Variants in CAMTA1 observed in about 807,000 individuals in gnomAD.
CAMTA1 encodes the protein calmodulin binding transcription activator 1.
In CAMTA1, 27 loss-of-function variants were observed where a neutral mutation model predicts 170.9. The ratio of observed to expected loss-of-function variants is 0.16; its 90% CI spans 0.12 to 0.22. The LOEUF is 0.22. Among genes scored for constraint, CAMTA1 ranks in the 10% least tolerant of loss-of-function variants. The pLI is 1.00. For missense variants in CAMTA1, 1,619 were observed against 2,217.2 expected (o/e 0.73, Z 5.42); for synonymous variants, 833 against 891.5 (o/e 0.93, Z 1.17).
intron 4 of CAMTA1, among the ~76,000 whole-genome samples, chr1:7,131,665 T>C (rs891285668): frequency 6.6e-6 from 1 of 152,282 alleles, no homozygotes; most frequent in East Asian, 1.9e-4. Flanking sequence ...TCCTAAACTT[T>C]CTATCCTGTT....
At chr1:7,265,171 T>G (rs1302218873) in intron 5 of CAMTA1, among the ~76,000 whole-genome samples, 31 of 152,208 alleles carry the variant, frequency 2.0e-4, no homozygotes, top group Admixed American at 1.9e-3. Flanking sequence ...TCCTGCGCTG[T>G]CCCAGCCAGC....
intron 5 of CAMTA1, among the ~76,000 whole-genome samples, chr1:7,460,719 C>T (rs761590904): frequency 6.6e-6 from 1 of 152,082 alleles, no homozygotes; most frequent in Non-Finnish European, 1.5e-5. Flanking sequence ...GAGCTCTTTT[C>T]TTCCATCAGC....
chr1:6,792,261 A>C (rs1304282638), intron 1 of CAMTA1, among the ~76,000 whole-genome samples: 1 of 151,854 alleles, frequency 6.6e-6, no homozygotes, highest in Non-Finnish European at 1.5e-5. Flanking sequence ...CCTGGCCGGA[A>C]GTGTTTCCTT....
intron 3 of CAMTA1, among the ~76,000 whole-genome samples, chr1:7,040,723 CTTT>C (rs1277626911): frequency 2.8e-5 from 4 of 141,652 alleles, no homozygotes; most frequent in Admixed American, 7.1e-5. Context: ...GGATCTCCCT[CTTT>C]TTTTTTTTTT....
intron 6 of CAMTA1, among the ~76,000 whole-genome samples, chr1:7,554,314 G>A (rs2094847350): frequency 6.6e-6 from 1 of 152,130 alleles, no homozygotes; most frequent in Non-Finnish European, 1.5e-5. Flanking sequence ...CTGGTTGCTT[G>A]GCAGATATCT....
intron 3 of CAMTA1, among the ~76,000 whole-genome samples, chr1:6,880,968 G>A (rs541536960): frequency 2.9e-4 from 44 of 152,012 alleles, no homozygotes; most frequent in Non-Finnish European, 5.1e-4. Context: ...CAGTAATTGC[G>A]TGCTTATATA....
At chr1:7,623,783 T>C (rs1335677484) in intron 6 of CAMTA1, among the ~76,000 whole-genome samples, 1 of 152,194 alleles carries the variant, frequency 6.6e-6, no homozygotes, top group Non-Finnish European at 1.5e-5. Flanking sequence ...CAGAAGCTCT[T>C]TTTCAACATT....
At chr1:7,161,838 C>T (rs1383811587) in intron 4 of CAMTA1, among the ~76,000 whole-genome samples, 8 of 152,178 alleles carry the variant, frequency 5.3e-5, no homozygotes, top group African/African-American at 1.9e-4. Flanking sequence ...TCAGAGCTGA[C>T]AGCCACTGGG....
At chr1:6,853,825 A>G (rs971254590) in intron 3 of CAMTA1, among the ~76,000 whole-genome samples, 5 of 152,222 alleles carry the variant, frequency 3.3e-5, no homozygotes, top group Non-Finnish European at 5.9e-5. Context: ...GACATACATA[A>G]TGGTAAAATA....
chr1:7,355,347 T>C (rs2085023922), intron 5 of CAMTA1, among the ~76,000 whole-genome samples: 1 of 152,136 alleles, frequency 6.6e-6, no homozygotes, highest in South Asian at 2.1e-4. Flanking sequence ...ATGGTGCCAC[T>C]GCACTCCAGC....
chr1:7,124,825 C>A (rs1320474779), intron 4 of CAMTA1, among the ~76,000 whole-genome samples: 2 of 152,154 alleles, frequency 1.3e-5, no homozygotes, highest in Non-Finnish European at 2.9e-5. Context: ...AAGTTTTCTG[C>A]AATTTAGTGG....
intron 3 of CAMTA1, among the ~76,000 whole-genome samples, chr1:6,920,007 T>C (rs531128964): frequency 3.9e-5 from 6 of 152,200 alleles, no homozygotes; most frequent in Non-Finnish European, 8.8e-5. Context: ...TCTCATATCT[T>C]TACATTTCAA....
intron 5 of CAMTA1, among the ~76,000 whole-genome samples, chr1:7,343,291 A>G (rs1365225962): frequency 6.6e-6 from 1 of 152,196 alleles, no homozygotes; most frequent in East Asian, 1.9e-4. Flanking sequence ...CCTGTGCCTC[A>G]GCTCTCCTGG....
intron 5 of CAMTA1, among the ~76,000 whole-genome samples, chr1:7,433,656 A>G (rs771441981): frequency 7.2e-5 from 11 of 152,368 alleles, no homozygotes; most frequent in Non-Finnish European, 4.4e-5. Context: ...AGAAGGCCAC[A>G]TACTGCACGG....
intron 7 of CAMTA1, among the ~76,000 whole-genome samples, chr1:7,656,277 C>T (rs928062846): frequency 1.3e-5 from 2 of 152,146 alleles, no homozygotes; most frequent in African/African-American, 4.8e-5. Flanking sequence ...GCTGGAAGTC[C>T]AAGATTAAGG....
chr1:6,967,287 C>T (rs913186525), intron 3 of CAMTA1, among the ~76,000 whole-genome samples: 9 of 151,842 alleles, frequency 5.9e-5, no homozygotes, highest in Admixed American at 2.0e-4. Context: ...TTGGAACCCA[C>T]CTGAATTTTT....
chr1:6,952,976 C>T (rs1688770570), intron 3 of CAMTA1, among the ~76,000 whole-genome samples: 1 of 152,136 alleles, frequency 6.6e-6, no homozygotes, highest in African/African-American at 2.4e-5. Flanking sequence ...GGTTCTGTTT[C>T]CTTCCCGCCG....
At chr1:7,166,187 C>G (rs1054326069) in intron 4 of CAMTA1, among the ~76,000 whole-genome samples, 1 of 152,052 alleles carries the variant, frequency 6.6e-6, no homozygotes, top group South Asian at 2.1e-4. Context: ...CTGCCTCAGC[C>G]TCCCGAGTAG....
chr1:7,709,124 C>T (rs150157977), intron 11 of CAMTA1, among the ~76,000 whole-genome samples: 370 of 152,250 alleles, frequency 2.4e-3, no homozygotes, highest in African/African-American at 8.6e-3. Flanking sequence ...TAAATTCTGT[C>T]TCTTTTTTCC....
Sources: allele counts gnomAD v4.1 joint callset (sites outside exome capture counted in the v4.1 genomes callset), GRCh38; gene constraint gnomAD v4.1.1; transcripts MANE v1.5; gene names NCBI Gene and HGNC (gene_info 2026-07-23, HGNC 2026-07-21).